The following GRIK3 variants were observed in gnomAD, a reference collection of about 807,000 sequenced individuals.
The protein encoded by GRIK3 is glutamate receptor ionotropic, kainate 3.
Under a neutral mutation model 102.5 loss-of-function variants are expected in GRIK3, and 29 were observed. The ratio of observed to expected loss-of-function variants is 0.28; its 90% CI spans 0.21 to 0.39. The LOEUF (loss-of-function observed/expected upper bound fraction) is 0.39. Ranked by LOEUF, GRIK3 falls within the 10% of genes least tolerant of loss-of-function variation. The pLI, the probability that GRIK3 is intolerant of heterozygous loss-of-function variation, is 1.00. For missense variants in GRIK3, 908 were observed against 1,252.4 expected, an observed-to-expected ratio of 0.73 and a Z score of 4.15; for synonymous variants, 511 against 504.9, an observed-to-expected ratio of 1.01 and a Z score of -0.16.
intron 1 of GRIK3, among the ~76,000 whole-genome samples, chr1:36,988,093 C>G (rs1230409552): frequency 1.3e-5 from 2 of 152,160 alleles, no homozygotes; most frequent in African/African-American, 2.4e-5. Flanking sequence ...GAGTTCAAGA[C>G]CAGCCTGGTC....
chr1:36,961,474 C>A (rs936042694), intron 1 of GRIK3, among the ~76,000 whole-genome samples: 1 of 152,218 alleles, frequency 6.6e-6, no homozygotes, highest in African/African-American at 2.4e-5. Flanking sequence ...ACAAAGAAAG[C>A]AGCAGGCACT....
chr1:36,926,733 G>T (rs1641532032), intron 1 of GRIK3, among the ~76,000 whole-genome samples: 1 of 152,080 alleles, frequency 6.6e-6, no homozygotes, highest in Admixed American at 6.5e-5. Context: ...CTGTTGAAAA[G>T]GAATCTGCTA....
intron 1 of GRIK3, among the ~76,000 whole-genome samples, chr1:37,016,214 TAGGGGCAGCTGCTAGGAATAC>T (rs1642650941): frequency 6.6e-6 from 1 of 152,212 alleles, no homozygotes; most frequent in Admixed American, 6.5e-5. Context: ...TGGGCATTGC[TAGGGGCAGCTGCTAGGAATAC>T]ACAGGGGATT....
At chr1:36,941,849 C>T (rs1263495154) in intron 1 of GRIK3, among the ~76,000 whole-genome samples, 2 of 152,152 alleles carry the variant, frequency 1.3e-5, no homozygotes, top group African/African-American at 2.4e-5. Flanking sequence ...AATCTTCATT[C>T]CACTGCAATA....
intron 1 of GRIK3, among the ~76,000 whole-genome samples, chr1:36,951,133 C>T (rs969103158): frequency 3.3e-5 from 5 of 152,228 alleles, no homozygotes; most frequent in African/African-American, 1.2e-4. Context: ...GCCAGGAGGC[C>T]AAGCTGTTCA....
intron 1 of GRIK3, among the ~76,000 whole-genome samples, chr1:36,941,334 T>A (rs773226132): frequency 2.0e-5 from 3 of 152,164 alleles, no homozygotes; most frequent in Admixed American, 6.5e-5. Context: ...AAAACAACCT[T>A]TTTATCTGTT....
chr1:36,968,050 C>T (rs1419467069), intron 1 of GRIK3, among the ~76,000 whole-genome samples: 1 of 152,174 alleles, frequency 6.6e-6, no homozygotes, highest in Non-Finnish European at 1.5e-5. Flanking sequence ...TGGCAGAGCA[C>T]TGGGGTTCTG....
intron 1 of GRIK3, among the ~76,000 whole-genome samples, chr1:36,940,487 A>C (rs530238061): frequency 6.6e-6 from 1 of 152,216 alleles, no homozygotes; most frequent in East Asian, 1.9e-4. Flanking sequence ...ACTTTACCCC[A>C]GATTTGGATG....
In GRIK3 at chr1:36,797,343, A is replaced by G. The variant is rs927344013; in HGVS notation, c.*4508T>C. ...TTACATTCATATATATATTGTACAG[A>G]ACATTAACCTTCTACCTAAAAGTTT... On this transcript the variant is annotated 3_prime_UTR_variant, in exon 16 of 16. Coordinates refer to ENST00000373091, the MANE Select transcript of GRIK3 (RefSeq NM_000831.4). 1.9e-4 allele frequency: 29 copies of G among 151,760 alleles called. No individual in the cohort carries two copies. Among genetic ancestry groups the G allele is most frequent in the Admixed American group, 8.5e-4 (13 of 15,222 alleles). 9.4% of individuals were successfully genotyped at this position (151,760 alleles called of 1,614,324 possible). A position where few individuals can be genotyped will look rare whatever the true frequency, so the allele number is the denominator to read the frequency against.
intron 13 of GRIK3, among the ~76,000 whole-genome samples, chr1:36,807,231 G>A (rs538933862): frequency 8.5e-5 from 13 of 152,262 alleles, no homozygotes; most frequent in African/African-American, 3.1e-4. Context: ...GACGCAGAGA[G>A]GTCACTGGGG....
rs1570767937 is a variant in GRIK3, at chr1:36,864,558, T to C, written c.787-4541A>G. ...ACCTGACTCAGTGTGAAGGGCAGCA[T>C]CTCTGGCCTTGGTGGGAGCTTGGGT... On this transcript the variant is annotated intron_variant, in intron 5 of 15. Transcript: ENST00000373091. Among the ~76,000 whole-genome samples the C allele has an allele frequency of 1.3e-5, 2 of 152,052 alleles. 1 individual carries two copies. Among genetic ancestry groups the C allele is most frequent in the South Asian group, 4.2e-4 (2 of 4,800 alleles).
At chr1:36,945,362 C>A (rs915797728) in intron 1 of GRIK3, among the ~76,000 whole-genome samples, 6 of 152,316 alleles carry the variant, frequency 3.9e-5, no homozygotes, top group African/African-American at 1.2e-4. Flanking sequence ...GGGGCCTGAG[C>A]CAGTCTCAAA....
intron 1 of GRIK3, among the ~76,000 whole-genome samples, chr1:36,990,247 A>G (rs1417155946): frequency 6.6e-6 from 1 of 152,074 alleles, no homozygotes; most frequent in Non-Finnish European, 1.5e-5. Flanking sequence ...GACAGTCACG[A>G]TGCCCCATCC....
At chr1:36,989,627 T>C (rs1557454193) in intron 1 of GRIK3, among the ~76,000 whole-genome samples, 1 of 152,198 alleles carries the variant, frequency 6.6e-6, no homozygotes. Flanking sequence ...GGGATCCTCC[T>C]GGGGGACCAA....
chr1:36,979,715 A>G (rs947333999), intron 1 of GRIK3, among the ~76,000 whole-genome samples: 2 of 152,234 alleles, frequency 1.3e-5, no homozygotes, highest in African/African-American at 4.8e-5. Context: ...TGGTGGCAGG[A>G]GCTGCAGTTG....
At chr1:36,828,907 G>T (rs1268610231) in intron 10 of GRIK3, among the ~76,000 whole-genome samples, 2 of 152,156 alleles carry the variant, frequency 1.3e-5, no homozygotes, top group Non-Finnish European at 2.9e-5. Flanking sequence ...ACAGGTGATT[G>T]GCCTTCTGGC....
At chr1:36,935,355 A>G (rs1641645397) in intron 1 of GRIK3, among the ~76,000 whole-genome samples, 1 of 152,220 alleles carries the variant, frequency 6.6e-6, no homozygotes. Context: ...GTAGAAGGTC[A>G]CCATAGACTG....
intron 1 of GRIK3, among the ~76,000 whole-genome samples, chr1:36,952,632 C>T (rs1241305355): frequency 6.6e-6 from 1 of 152,084 alleles, no homozygotes; most frequent in African/African-American, 2.4e-5. Flanking sequence ...TGATGGGTGC[C>T]GGGTCAACAG....
intron 5 of GRIK3, among the ~76,000 whole-genome samples, chr1:36,863,451 C>T (rs190733901): frequency 6.3e-4 from 96 of 152,258 alleles, no homozygotes; most frequent in African/African-American, 2.2e-3. Flanking sequence ...GCTCTCCACC[C>T]CTCCAGGCTC....
Sources: gnomAD v4.1 joint callset for allele counts (sites outside exome capture counted in the v4.1 genomes callset) on GRCh38, gnomAD v4.1.1 for gene constraint, MANE v1.5 for transcripts, NCBI Gene and HGNC (gene_info 2026-07-23, HGNC 2026-07-21) for gene names.